MAP7: variants seen among roughly 807,000 people sequenced by gnomAD.
MAP7 encodes ensconsin.
A neutral mutation model predicts 94.8 loss-of-function variants in MAP7; 52 were observed. The observed-to-expected ratio is 0.55, with a 90% CI of 0.44 to 0.69. The LOEUF is 0.69. Among genes scored for constraint, MAP7 ranks in the 30% least tolerant of loss-of-function variants. MAP7 has a pLI of 0.00. For synonymous variants in MAP7, 350 were observed against 357.0 expected (o/e 0.98, Z 0.22); for missense variants, 940 against 964.6 (o/e 0.97, Z 0.34).
intron 1 of MAP7, among the ~76,000 whole-genome samples, chr6:136,543,882 T>TA (rs1187198945): frequency 1.3e-5 from 2 of 151,828 alleles, no homozygotes; most frequent in Admixed American, 6.6e-5. Flanking sequence ...TCAACAAAAC[T>TA]AAAAAAAGAA....
intron 5 of MAP7, among the ~76,000 whole-genome samples, chr6:136,384,624 T>C (rs1384942853): frequency 6.6e-6 from 1 of 151,942 alleles, no homozygotes; most frequent in Non-Finnish European, 1.5e-5. Context: ...GCTAAGACTC[T>C]AGGCAGGCAT....
At chr6:136,483,591 A>G (rs1220389459) in intron 1 of MAP7, among the ~76,000 whole-genome samples, 1 of 152,230 alleles carries the variant, frequency 6.6e-6, no homozygotes, top group Non-Finnish European at 1.5e-5. Context: ...GTTAAAAAAA[A>G]TGAATGCGAC....
At position 136,362,560 on chromosome 6, in the gene MAP7, G is replaced by T. The variant is rs1050644242; in HGVS notation, c.1416C>A (p.Gly472=). 1 of 1,613,966 alleles carries T rather than the reference G, an allele frequency of 6.2e-7. No individual in the cohort carries two copies. Among genetic ancestry groups the T allele is most frequent in the African/African-American group, 1.3e-5 (1 of 74,880 alleles). Residue 472 remains glycine (G), a synonymous_variant, in exon 11 of 18, where the codon GGC becomes GGA. Transcript: ENST00000354570. ...TTGTGGCCTCCTCTGGGTCGGTGGT[G>T]CCTGCAGAAGTCTTAACAGAAGCAC... ...NASASVKTSA[G]TTDPEEATRL...
At chr6:136,348,199 C>T (rs911401274) in intron 16 of MAP7, among the ~76,000 whole-genome samples, 3 of 152,284 alleles carry the variant, frequency 2.0e-5, no homozygotes, top group Admixed American at 2.0e-4. Flanking sequence ...AGAACAGGAA[C>T]GTATCTCCAG....
At chr6:136,500,641 T>C (rs1819581239) in intron 1 of MAP7, among the ~76,000 whole-genome samples, 1 of 152,244 alleles carries the variant, frequency 6.6e-6, no homozygotes, top group Admixed American at 6.5e-5. Context: ...GTGGTTACAC[T>C]AAGTGCATCT....
intron 1 of MAP7, among the ~76,000 whole-genome samples, chr6:136,533,175 G>A (rs1246644873): frequency 2.0e-5 from 3 of 152,198 alleles, no homozygotes; most frequent in African/African-American, 7.2e-5. Flanking sequence ...GGGAGGCTGA[G>A]GCAGGAGAAT....
chr6:136,481,363 C>A (rs577458364), intron 1 of MAP7, among the ~76,000 whole-genome samples: 32 of 152,236 alleles, frequency 2.1e-4, no homozygotes, highest in African/African-American at 7.5e-4. Context: ...TTGGAAGCAA[C>A]CTAAGTGTCG....
chr6:136,416,385 CA>C (rs1235133163), intron 2 of MAP7, among the ~76,000 whole-genome samples: 2 of 152,024 alleles, frequency 1.3e-5, no homozygotes, highest in East Asian at 1.9e-4. Flanking sequence ...GGTAGGTTTT[CA>C]AAAAAATACA....
At chr6:136,532,109 A>G (rs985529850) in intron 1 of MAP7, among the ~76,000 whole-genome samples, 2 of 152,170 alleles carry the variant, frequency 1.3e-5, no homozygotes, top group Non-Finnish European at 2.9e-5. Flanking sequence ...CAAAATGAAG[A>G]CCTACCCAAG....
chr6:136,549,313 T>G (rs1455334235), intron 1 of MAP7, among the ~76,000 whole-genome samples: 2 of 152,106 alleles, frequency 1.3e-5, no homozygotes, highest in Non-Finnish European at 2.9e-5. Flanking sequence ...CTTTTTAAAG[T>G]AAGAAACTGC....
intron 1 of MAP7, among the ~76,000 whole-genome samples, chr6:136,474,544 A>C (rs1195364812): frequency 6.6e-6 from 1 of 152,256 alleles, no homozygotes; most frequent in Non-Finnish European, 1.5e-5. Flanking sequence ...CTACTACAAC[A>C]GAGCGGCCTC....
chr6:136,548,486 G>T (rs907541277), intron 1 of MAP7, among the ~76,000 whole-genome samples: 2 of 152,174 alleles, frequency 1.3e-5, no homozygotes, highest in Non-Finnish European at 2.9e-5. Context: ...AATTATTCAA[G>T]ACCATATATA....
At chr6:136,422,735 T>C (rs1791774096) in intron 1 of MAP7, among the ~76,000 whole-genome samples, 1 of 152,242 alleles carries the variant, frequency 6.6e-6, no homozygotes, top group South Asian at 2.1e-4. Context: ...AAAAATAATT[T>C]TTTGAAAATT....
intron 3 of MAP7, among the ~76,000 whole-genome samples, chr6:136,390,967 G>A (rs1219860849): frequency 2.0e-5 from 3 of 152,074 alleles, no homozygotes; most frequent in Non-Finnish European, 2.9e-5. Context: ...ATGTTCATTT[G>A]GATTTTAGCT....
At chr6:136,482,669 T>C (rs1157962261) in intron 1 of MAP7, among the ~76,000 whole-genome samples, 1 of 151,556 alleles carries the variant, frequency 6.6e-6, no homozygotes, top group East Asian at 1.9e-4. Context: ...AGATATGGAA[T>C]CAACCTAGAT....
At chr6:136,429,404 T>G (rs1250887058) in intron 1 of MAP7, among the ~76,000 whole-genome samples, 1 of 152,204 alleles carries the variant, frequency 6.6e-6, no homozygotes, top group East Asian at 1.9e-4. Flanking sequence ...TGTTACTGCT[T>G]ATACTGCATG....
chr6:136,469,240 G>C (rs1808160390), intron 1 of MAP7, among the ~76,000 whole-genome samples: 1 of 151,972 alleles, frequency 6.6e-6, no homozygotes, highest in Non-Finnish European at 1.5e-5. Flanking sequence ...CAAGACTAAG[G>C]TATCAGCTTA....
chr6:136,405,060 A>G (rs998532011), intron 3 of MAP7, among the ~76,000 whole-genome samples: 1 of 152,246 alleles, frequency 6.6e-6, no homozygotes, highest in African/African-American at 2.4e-5. Flanking sequence ...TGACTGAACT[A>G]TCATAAGGGC....
chr6:136,484,966 T>C (rs1049588255), intron 1 of MAP7, among the ~76,000 whole-genome samples: 62 of 152,202 alleles, frequency 4.1e-4, no homozygotes, highest in African/African-American at 1.3e-3. Context: ...AGTGCTGGGA[T>C]TACAGGCATG....
Sources: allele counts gnomAD v4.1 joint callset (sites outside exome capture counted in the v4.1 genomes callset), GRCh38; gene constraint gnomAD v4.1.1; transcripts MANE v1.5; gene names NCBI Gene and HGNC (gene_info 2026-07-23, HGNC 2026-07-21).